CRACR2A: variants seen among roughly 807,000 people sequenced by gnomAD.
The protein encoded by CRACR2A is EF-hand calcium-binding domain-containing protein 4B.
Under a neutral mutation model 90.5 loss-of-function variants are expected in CRACR2A, and 79 were observed. That is an observed-to-expected ratio of 0.87 (90% CI 0.73 to 1.05). The LOEUF (loss-of-function observed/expected upper bound fraction) is 1.05, where lower values mean the gene tolerates loss of function less well. CRACR2A is among the 50% of genes least tolerant of loss of function. The probability of loss-of-function intolerance (pLI) is 0.00; values close to 1 mark genes in which losing one functional copy is unlikely to be tolerated. For synonymous variants in CRACR2A, 338 were observed against 356.7 expected, an observed-to-expected ratio of 0.95 and a Z score of 0.59; for missense variants, 823 against 897.2, an observed-to-expected ratio of 0.92 and a Z score of 1.06.
At chr12:3,660,099 G>A (rs748289350) in intron 7 of CRACR2A, among the ~76,000 whole-genome samples, 30 of 152,090 alleles carry the variant, frequency 2.0e-4, no homozygotes, top group Non-Finnish European at 3.4e-4. Context: ...CCGTTTCCTG[G>A]TTTATCTTGT....
At chr12:3,705,950 C>G (rs1945911915) in intron 3 of CRACR2A, among the ~76,000 whole-genome samples, 1 of 152,244 alleles carries the variant, frequency 6.6e-6, no homozygotes, top group South Asian at 2.1e-4. Context: ...CCAATTTCAA[C>G]CTACCAACAA....
intron 2 of CRACR2A, among the ~76,000 whole-genome samples, chr12:3,724,927 C>T (rs1946237868): frequency 1.3e-5 from 2 of 152,106 alleles, no homozygotes; most frequent in Admixed American, 6.5e-5. Flanking sequence ...GCGCAGCAAG[C>T]ACTATTTTCC....
chr12:3,699,253 A>G lies in CRACR2A; in HGVS notation c.-36-2218T>C, dbSNP rs556851994. Among the ~76,000 whole-genome samples, 62 of 152,308 alleles carry G rather than the reference A, an allele frequency of 4.1e-4. 1 individual carries two copies. Among genetic ancestry groups the G allele is most frequent in the African/African-American group, 1.5e-3 (62 of 41,586 alleles). ...CCAACTGATCTAAATCACCTCCCAG[A>G]GGCATATTCATCATTTTAACGGGAA... On this transcript the variant is annotated intron_variant, in intron 3 of 19. Transcript: ENST00000440314.
At chr12:3,634,254 C>A (rs1194539870) in intron 14 of CRACR2A, among the ~76,000 whole-genome samples, 13 of 152,212 alleles carry the variant, frequency 8.5e-5, no homozygotes, top group African/African-American at 2.9e-4. Context: ...CTCCTTATTT[C>A]TGCCCTATCC....
At chr12:3,715,261 A>G (rs762929840) in intron 2 of CRACR2A, among the ~76,000 whole-genome samples, 51 of 152,220 alleles carry the variant, frequency 3.4e-4, no homozygotes, top group Admixed American at 2.6e-4. Flanking sequence ...AGTAAAGAGT[A>G]TTCTGTGAGT....
At chr12:3,627,985 C>A (rs1038239093) in intron 15 of CRACR2A, among the ~76,000 whole-genome samples, 4 of 151,896 alleles carry the variant, frequency 2.6e-5, no homozygotes, top group East Asian at 3.9e-4. Context: ...TAATACAAGC[C>A]ATACACTCTT....
At chr12:3,716,940 T>C (rs536011902) in intron 2 of CRACR2A, among the ~76,000 whole-genome samples, 2 of 152,154 alleles carry the variant, frequency 1.3e-5, no homozygotes, top group Non-Finnish European at 2.9e-5. Context: ...TTTAATAATA[T>C]GCATTTTCCA....
chr12:3,638,058 G>C (rs1944489648), intron 14 of CRACR2A, 66 bp downstream of exon 14: 2 of 1,444,788 alleles, frequency 1.4e-6, no homozygotes, highest in Admixed American at 5.1e-5. Flanking sequence ...CCGGGCGCTT[G>C]GCCTCAAATG....
intron 2 of CRACR2A, among the ~76,000 whole-genome samples, chr12:3,720,260 G>A (rs1449295075): frequency 1.5e-3 from 99 of 68,202 alleles, no homozygotes; most frequent in Middle Eastern, 8.8e-3. Context: ...AAAGAGGGAA[G>A]GAAAGAAAGA....
At chr12:3,667,527 C>T (rs941883110) in intron 7 of CRACR2A, among the ~76,000 whole-genome samples, 2 of 152,106 alleles carry the variant, frequency 1.3e-5, no homozygotes, top group East Asian at 1.9e-4. Flanking sequence ...CCTGCCTCAA[C>T]GTGCTGATCA....
At position 3,686,527 on chromosome 12, in the gene CRACR2A, G is replaced by A. The variant is rs146246621; in HGVS notation, c.229-6178C>T. ...ACTCCTCCAAAAAATCAGGGAAACA[G>A]GGCTTTTGAGGCTCTAGGTTTTCTC... On this transcript the variant is annotated intron_variant, in intron 4 of 19. Transcript: ENST00000440314. 9.4e-3 allele frequency among the ~76,000 whole-genome samples: 1,432 copies of A among 152,244 alleles called. 18 individuals carry two copies. Among genetic ancestry groups the A allele is most frequent in the African/African-American group, 0.032 (1,339 of 41,538 alleles).
chr12:3,669,092 C>A (rs1248594258), intron 7 of CRACR2A, among the ~76,000 whole-genome samples: 1 of 152,224 alleles, frequency 6.6e-6, no homozygotes, highest in Non-Finnish European at 1.5e-5. Flanking sequence ...AAAACACTTT[C>A]CTTCAGAGCT....
intron 2 of CRACR2A, among the ~76,000 whole-genome samples, chr12:3,720,231 A>AAGAAAGAC (rs1432676905): frequency 7.5e-6 from 1 of 133,916 alleles, no homozygotes; most frequent in Non-Finnish European, 1.6e-5. Flanking sequence ...AAGAAAAAGA[A>AAGAAAGAC]AGAAAGAAAG....
intron 7 of CRACR2A, among the ~76,000 whole-genome samples, chr12:3,666,095 G>T (rs561711447): frequency 2.6e-5 from 4 of 152,066 alleles, no homozygotes; most frequent in Non-Finnish European, 2.9e-5. Context: ...TGGGGAGGAG[G>T]GGGGAGTTAT....
At chr12:3,748,923 T>C (rs1225828479) in intron 1 of CRACR2A, among the ~76,000 whole-genome samples, 1 of 152,142 alleles carries the variant, frequency 6.6e-6, no homozygotes, top group Non-Finnish European at 1.5e-5. Flanking sequence ...CTCTCCTGAG[T>C]CCTGTGAGGG....
At chr12:3,673,832 G>A (rs897608647) in intron 6 of CRACR2A, among the ~76,000 whole-genome samples, 8 of 152,314 alleles carry the variant, frequency 5.3e-5, no homozygotes, top group African/African-American at 1.2e-4. Context: ...TACAGATGAC[G>A]AAGCAGGTGA....
At chr12:3,619,454 A>G in intron 17 of CRACR2A, 82 bp from the exon 18 acceptor site, 1 of 1,087,928 alleles carries the variant, frequency 9.2e-7, no homozygotes, top group Non-Finnish European at 1.4e-6. Context: ...GGCTGGACAG[A>G]TGGGACCTCG....
intron 12 of CRACR2A, among the ~76,000 whole-genome samples, chr12:3,644,086 TAGAG>T (rs75225617): frequency 6.9e-6 from 1 of 145,618 alleles, no homozygotes; most frequent in African/African-American, 2.5e-5. Context: ...TACATATATA[TAGAG>T]AGAGAGACAT....
At chr12:3,640,666 A>C (rs1944549290) in intron 13 of CRACR2A, 13 of 1,305,312 alleles carry the variant, frequency 1.0e-5, no homozygotes, top group Non-Finnish European at 1.3e-5. Flanking sequence ...GCTGATTTAC[A>C]TCTCCAGAGT....
Sources: allele counts gnomAD v4.1 joint callset (sites outside exome capture counted in the v4.1 genomes callset), GRCh38; gene constraint gnomAD v4.1.1; transcripts MANE v1.5; gene names NCBI Gene and HGNC (gene_info 2026-07-23, HGNC 2026-07-21).